The following CENPC variants were observed in gnomAD, a reference collection of about 807,000 sequenced individuals.
CENPC encodes centromere protein C.
A neutral mutation model predicts 112.1 loss-of-function variants in CENPC; 63 were observed. The observed-to-expected ratio is 0.56, with a 90% CI of 0.46 to 0.69. CENPC has a LOEUF of 0.69. Among genes scored for constraint, CENPC ranks in the 30% least tolerant of loss-of-function variants. The probability of loss-of-function intolerance (pLI) is 0.00; values close to 1 mark genes in which losing one functional copy is unlikely to be tolerated. For missense variants in CENPC, 1,000 were observed against 1,103.8 expected (o/e 0.91, Z 1.33); for synonymous variants, 333 against 367.6 (o/e 0.91, Z 1.08).
At chr4:67,482,778 T>C (rs138658762) in intron 17 of CENPC, among the ~76,000 whole-genome samples, 19 of 152,196 alleles carry the variant, frequency 1.2e-4, no homozygotes, top group Non-Finnish European at 2.2e-4. Context: ...TATAAAAGAC[T>C]ACACGGTGGG....
Position 67,514,209 on chromosome 4 carries a change from C to G in CENPC, c.1309G>C (p.Gly437Arg). ...AKPAEEQLDV[G>R]QSKDENIHTS... ...TGTATGTTTTCATCTTTAGACTGTC[C>G]CACATCAAGCTGTTCTTCAGCTGGT... The change falls in exon 8 of 19, where the codon GGA becomes CGA. Residue 437 changes from glycine to arginine, a missense_variant. Gly to Arg is a moderately radical substitution (Grantham distance 125). Coordinates refer to ENST00000273853, the MANE Select transcript of CENPC (RefSeq NM_001812.4). 6.2e-7 allele frequency: 1 copy of G among 1,613,114 alleles called. No individual in the cohort carries two copies. The highest frequency in any genetic ancestry group is 8.5e-7 in the Non-Finnish European group (1 of 1,179,616).
At chr4:67,538,420 G>GA (rs768108341) in intron 4 of CENPC, among the ~76,000 whole-genome samples, 12 of 152,154 alleles carry the variant, frequency 7.9e-5, no homozygotes, top group Non-Finnish European at 1.2e-4. Context: ...TTTAAAAAAA[G>GA]AAAAAACATA....
In CENPC at chr4:67,545,371, AG is replaced by A; in HGVS notation, c.-17del. The A allele has an allele frequency of 6.6e-7, 1 of 1,522,672 alleles. No homozygotes were observed. The highest frequency in any genetic ancestry group is 8.8e-7 in the Non-Finnish European group (1 of 1,131,596). The allele number at this position is 1,522,672 out of a possible 1,614,324, so 94.3% of individuals were successfully genotyped here. On this transcript the variant is annotated 5_prime_UTR_variant, in exon 1 of 19. Transcript: ENST00000273853. Reference sequence around the variant, plus strand: ...ACGCAGCCATGTTCCGGCCCCGCTGAGCCAGCGCAACTGTCTGAGGTGGAAG... The same window carrying A: ...ACGCAGCCATGTTCCGGCCCCGCTGACCAGCGCAACTGTCTGAGGTGGAAG...
At position 67,472,465 on chromosome 4, in the gene CENPC, C is replaced by T; in HGVS notation, c.*140G>A. The T allele has an allele frequency of 2.7e-6, 3 of 1,112,562 alleles. No individual in the cohort carries two copies. Among genetic ancestry groups the T allele is most frequent in the Non-Finnish European group, 3.5e-6 (3 of 867,182 alleles). 68.9% of individuals were successfully genotyped at this position (1,112,562 alleles called of 1,614,324 possible). A position where few individuals can be genotyped will look rare whatever the true frequency, so the allele number is the denominator to read the frequency against. Reference sequence around the variant, plus strand: ...AAACATGTGAGTTAGAAATGTTTATCAAATACAAGTCTACAGAAAACTGAA... The same window carrying T: ...AAACATGTGAGTTAGAAATGTTTATTAAATACAAGTCTACAGAAAACTGAA... On this transcript the variant is annotated 3_prime_UTR_variant, in exon 19 of 19. Coordinates refer to ENST00000273853, the MANE Select transcript of CENPC (RefSeq NM_001812.4).
At position 67,504,894 on chromosome 4, in the gene CENPC, C is replaced by T. The variant is rs1332609840; in HGVS notation, c.2131+311G>A. 5 of 276,454 alleles carry T rather than the reference C, an allele frequency of 1.8e-5. No homozygotes were observed. The East Asian group carries it at 3.7e-4, about 21-fold the overall frequency. 17.1% of individuals were successfully genotyped at this position (276,454 alleles called of 1,614,324 possible). On this transcript the variant is annotated intron_variant, in intron 12 of 18. Transcript: ENST00000273853. ...AGTATAATGAACCCAATACAACCAT[C>T]AACCAGCTTCAGTAATCATCAACAG... is the stretch of plus-strand genomic sequence containing the variant.
rs963230058 is a variant in CENPC at position 67,533,953 on chromosome 4, A to G, written c.232-3039T>C. Among the ~76,000 whole-genome samples the G allele has an allele frequency of 1.8e-4, 28 of 152,294 alleles. 1 individual carries two copies. Among genetic ancestry groups the G allele is most frequent in the Admixed American group, 1.7e-3 (26 of 15,298 alleles). ...CTCAGGAGGCTGAGGCAGGAGGATCACTTGAGCCCAGAGGTTTGAGGTTGC... is the reference window on the plus strand; with the variant it reads ...CTCAGGAGGCTGAGGCAGGAGGATCGCTTGAGCCCAGAGGTTTGAGGTTGC... On this transcript the variant is annotated intron_variant, in intron 4 of 18. Transcript: ENST00000273853.
chr4:67,489,065 A>G (rs1725165581), intron 17 of CENPC, among the ~76,000 whole-genome samples: 1 of 151,982 alleles, frequency 6.6e-6, no homozygotes, highest in Non-Finnish European at 1.5e-5. Context: ...GATGTTCCTT[A>G]GCTATATTTT....
chr4:67,482,333 G>A lies in CENPC; in HGVS notation c.2671-7355C>T, dbSNP rs565119397. On this transcript the variant is annotated intron_variant, in intron 17 of 18. Coordinates refer to ENST00000273853, the MANE Select transcript of CENPC (RefSeq NM_001812.4). ...GGTGGGAATGTAAACTAGTACAGCCGCTACAGAAAACCTTAGTAGAGCTAA... is the reference window on the plus strand; with the variant it reads ...GGTGGGAATGTAAACTAGTACAGCCACTACAGAAAACCTTAGTAGAGCTAA... 2.5e-4 allele frequency among the ~76,000 whole-genome samples: 38 copies of A among 152,150 alleles called. 1 individual carries two copies. The highest frequency in any genetic ancestry group is 6.8e-3 in the Middle Eastern group (2 of 294).
chr4:67,477,980 T>C (rs1385880262), intron 17 of CENPC, among the ~76,000 whole-genome samples: 1 of 151,598 alleles, frequency 6.6e-6, no homozygotes, highest in South Asian at 2.1e-4. Context: ...GCTTTTGAAT[T>C]AACCCAATCA....
chr4:67,508,635 A>C (rs1725802148), intron 10 of CENPC, among the ~76,000 whole-genome samples, 179 bp downstream of exon 10: 1 of 151,978 alleles, frequency 6.6e-6, no homozygotes, highest in African/African-American at 2.4e-5. Flanking sequence ...AAACAAGTGC[A>C]GAGTACTACT....
intron 17 of CENPC, among the ~76,000 whole-genome samples, chr4:67,484,769 G>A (rs1725047939): frequency 6.6e-6 from 1 of 152,038 alleles, no homozygotes; most frequent in Non-Finnish European, 1.5e-5. Flanking sequence ...AAATTCTACA[G>A]CCACTGTAAA....
chr4:67,479,207 A>G lies in CENPC; in HGVS notation c.2671-4229T>C, dbSNP rs566162455. Among the ~76,000 whole-genome samples, 6 of 152,230 alleles carry G rather than the reference A, an allele frequency of 3.9e-5. No homozygotes were observed. In the East Asian group the frequency reaches 1.2e-3, roughly 29 times the overall value. ...AAGAAACAATGGATTTAAACTATAC[A>G]CTGGAACAAATGGACTTAATAGATA... On this transcript the variant is annotated intron_variant, in intron 17 of 18. Transcript: ENST00000273853.
chr4:67,522,490 T>C (rs951166388), intron 5 of CENPC, among the ~76,000 whole-genome samples: 1 of 152,038 alleles, frequency 6.6e-6, no homozygotes, highest in Non-Finnish European at 1.5e-5. Context: ...CTTCACAGCA[T>C]ATTGTCTGGG....
At chr4:67,504,092 C>CAAAAAAAAA (rs33925641) in intron 12 of CENPC, among the ~76,000 whole-genome samples, 1 of 114,084 alleles carries the variant, frequency 8.8e-6, no homozygotes. Flanking sequence ...GTGAATGGGG[C>CAAAAAAAAA]AAAAAAAAAA....
chr4:67,487,968 C>T (rs566812341), intron 17 of CENPC, among the ~76,000 whole-genome samples: 6 of 151,060 alleles, frequency 4.0e-5, no homozygotes, highest in Admixed American at 6.6e-5. Context: ...TGTAAAAATA[C>T]GAGTCTTATT....
At chr4:67,513,541 C>A (rs919341717) in intron 8 of CENPC, among the ~76,000 whole-genome samples, 1 of 151,930 alleles carries the variant, frequency 6.6e-6, no homozygotes, top group Non-Finnish European at 1.5e-5. Context: ...AATTTTGTAT[C>A]CTTCCTTTTA....
rs1192680694 is a variant in CENPC, at chr4:67,469,283, T to G, written c.*3322A>C. ...AAATTTGCCCTCCTCCAACAAACTT[T>G]AAAATAGAAAAAGATAAAAGGTAAC... On this transcript the variant is annotated 3_prime_UTR_variant, in exon 19 of 19. Coordinates refer to ENST00000273853, the MANE Select transcript of CENPC (RefSeq NM_001812.4). The G allele has an allele frequency of 6.6e-6, 1 of 152,158 alleles. No homozygotes were observed. The highest frequency in any genetic ancestry group is 1.5e-5 in the Non-Finnish European group (1 of 68,036). 9.4% of individuals were successfully genotyped at this position (152,158 alleles called of 1,614,324 possible).
At chr4:67,509,392 G>A (rs1318275363) in intron 9 of CENPC, among the ~76,000 whole-genome samples, 1 of 151,902 alleles carries the variant, frequency 6.6e-6, no homozygotes, top group Non-Finnish European at 1.5e-5. Flanking sequence ...TGCCCTTCTG[G>A]CCATCCTTAA....
At chr4:67,512,209 T>A (rs376531336) in intron 9 of CENPC, 193 bp downstream of exon 9, 5 of 448,576 alleles carry the variant, frequency 1.1e-5, no homozygotes, top group African/African-American at 6.2e-5. Context: ...ACAGCTATTA[T>A]CCCTATTCCT....
Sources: allele counts gnomAD v4.1 joint callset (sites outside exome capture counted in the v4.1 genomes callset), GRCh38; gene constraint gnomAD v4.1.1; transcripts MANE v1.5; gene names NCBI Gene and HGNC (gene_info 2026-07-23, HGNC 2026-07-21).